The following PDK1 variants were observed in gnomAD, a reference collection of about 807,000 sequenced individuals.
PDK1 encodes pyruvate dehydrogenase kinase 1, also known as [Pyruvate dehydrogenase (acetyl-transferring)] kinase isozyme 1, mitochondrial.
A neutral mutation model predicts 54.2 loss-of-function variants in PDK1; 39 were observed. The ratio of observed to expected loss-of-function variants is 0.72; its 90% CI spans 0.56 to 0.94. The LOEUF is 0.94. Ranked by LOEUF, PDK1 falls within the 40% of genes least tolerant of loss-of-function variation. The pLI, the probability that PDK1 is intolerant of heterozygous loss-of-function variation, is 0.00. For synonymous variants in PDK1, 221 were observed against 207.1 expected, an observed-to-expected ratio of 1.07 and a Z score of -0.58; for missense variants, 552 against 566.0, an observed-to-expected ratio of 0.98 and a Z score of 0.25.
chr2:172,629,857 T>C, the PDK1 span, among the ~76,000 whole-genome samples: 1 of 152,142 alleles, frequency 6.6e-6, no homozygotes, highest in Non-Finnish European at 1.5e-5. Flanking sequence ...ACCTGCATGC[T>C]CCCCGTCCTG....
At chr2:172,626,602 T>G in the PDK1 span, among the ~76,000 whole-genome samples, 778 of 152,264 alleles carry the variant, frequency 5.1e-3, 10 homozygotes, top group African/African-American at 0.018. Flanking sequence ...CAGACCAGCC[T>G]GGACAACATG....
Position 172,601,859 on chromosome 2 carries a change from C to T in PDK1, c.*5890C>T, listed in dbSNP as rs1417051103. The T allele has an allele frequency of 6.6e-6, 1 of 151,914 alleles. No individual in the cohort carries two copies. Among genetic ancestry groups the T allele is most frequent in the Admixed American group, 6.6e-5 (1 of 15,252 alleles). The allele number at this position is 151,914 out of a possible 1,614,324, so 9.4% of individuals were successfully genotyped here. ...AGTATTTAGATTTTTTTTTAAAGGA[C>T]ATAACTACCAATAGAGATTTAAAAT... On this transcript the variant is annotated 3_prime_UTR_variant, in exon 11 of 11. Coordinates refer to ENST00000282077, the MANE Select transcript of PDK1 (RefSeq NM_002610.5).
chr2:172,632,574 C>T, the PDK1 span, among the ~76,000 whole-genome samples: 6 of 152,180 alleles, frequency 3.9e-5, no homozygotes, highest in African/African-American at 1.4e-4. Context: ...TTGAACATGT[C>T]TGCAATGTGG....
chr2:172,600,950 C>T lies in PDK1; in HGVS notation c.*4981C>T, dbSNP rs780174822. ...CTTTTAGCTTCCTTATCTTAGTGCCCCTAAAGGGAAAGGAATGTGCTTATT... is the reference window on the plus strand; with the variant it reads ...CTTTTAGCTTCCTTATCTTAGTGCCTCTAAAGGGAAAGGAATGTGCTTATT... On this transcript the variant is annotated 3_prime_UTR_variant, in exon 11 of 11. Coordinates refer to ENST00000282077, the MANE Select transcript of PDK1 (RefSeq NM_002610.5). The T allele has an allele frequency of 1.3e-5, 2 of 152,068 alleles. No homozygotes were observed. Among genetic ancestry groups the T allele is most frequent in the Non-Finnish European group, 2.9e-5 (2 of 68,022 alleles). The allele number at this position is 152,068 out of a possible 1,614,324, so 9.4% of individuals were successfully genotyped here. A position where few individuals can be genotyped will look rare whatever the true frequency, so the allele number is the denominator to read the frequency against.
At chr2:172,643,492 C>T in the PDK1 span, among the ~76,000 whole-genome samples, 1 of 152,310 alleles carries the variant, frequency 6.6e-6, no homozygotes, top group South Asian at 2.1e-4. Flanking sequence ...TCTCTTCTAG[C>T]CCCTGGGCCC....
chr2:172,570,683 T>A, intron 7 of PDK1, 43 bp from the exon 8 acceptor site: 1 of 1,177,906 alleles, frequency 8.5e-7, no homozygotes, highest in Non-Finnish European at 1.3e-6. Flanking sequence ...ACTTTCTCTT[T>A]TCTAAAAAGC....
the PDK1 span, among the ~76,000 whole-genome samples, chr2:172,616,509 T>C: frequency 6.6e-6 from 1 of 152,170 alleles, no homozygotes; most frequent in African/African-American, 2.4e-5. Flanking sequence ...CTCAGGCATA[T>C]GAAAACCTAC....
At chr2:172,690,612 C>T in the PDK1 span, among the ~76,000 whole-genome samples, 1 of 150,050 alleles carries the variant, frequency 6.7e-6, no homozygotes, top group Non-Finnish European at 1.5e-5. Context: ...AAATGTCCAT[C>T]AATGATAGAC....
At chr2:172,638,892 A>G in the PDK1 span, among the ~76,000 whole-genome samples, 4 of 152,260 alleles carry the variant, frequency 2.6e-5, no homozygotes, top group Admixed American at 2.0e-4. Context: ...GCATCACACC[A>G]TATCAAGATG....
the PDK1 span, among the ~76,000 whole-genome samples, chr2:172,631,708 A>G: frequency 2.0e-5 from 3 of 152,152 alleles, no homozygotes; most frequent in Non-Finnish European, 4.4e-5. Context: ...GGACAAAGGT[A>G]TATATCCTAA....
the PDK1 span, among the ~76,000 whole-genome samples, chr2:172,709,617 ACC>A: frequency 6.6e-6 from 1 of 152,194 alleles, no homozygotes; most frequent in African/African-American, 2.4e-5. Flanking sequence ...TTCAGTTACC[ACC>A]ATTCAGTTAA....
At chr2:172,574,255 A>G (rs961241712) in intron 8 of PDK1, among the ~76,000 whole-genome samples, 2 of 152,206 alleles carry the variant, frequency 1.3e-5, no homozygotes, top group Non-Finnish European at 2.9e-5. Flanking sequence ...TATGGGATTT[A>G]TTTCTGGATT....
At chr2:172,679,383 G>A in the PDK1 span, among the ~76,000 whole-genome samples, 5 of 152,034 alleles carry the variant, frequency 3.3e-5, no homozygotes, top group African/African-American at 1.2e-4. Context: ...GGAGTTTGAG[G>A]CTGCAGTGAG....
rs371020181 is a variant in PDK1, at chr2:172,559,009, C to T, written c.338+160C>T. On this transcript the variant is annotated intron_variant, in intron 2 of 10. Transcript: ENST00000282077. ...TGTCGCCCAGGCTGGAGTGCAGTGG[C>T]GCGATCTTGCCTCACTGCAAGCTCC... Among the ~76,000 whole-genome samples, 12 of 152,260 alleles carry T rather than the reference C, an allele frequency of 7.9e-5. No homozygotes were observed. In the East Asian group the frequency reaches 1.9e-3, roughly 25 times the overall value.
At chr2:172,578,145 A>T (rs1358619442) in intron 8 of PDK1, among the ~76,000 whole-genome samples, 1 of 152,190 alleles carries the variant, frequency 6.6e-6, no homozygotes, top group Non-Finnish European at 1.5e-5. Context: ...GGAATATGTT[A>T]TCTCACTGCC....
the PDK1 span, among the ~76,000 whole-genome samples, chr2:172,645,038 T>C: frequency 6.6e-6 from 1 of 152,092 alleles, no homozygotes; most frequent in Non-Finnish European, 1.5e-5. Flanking sequence ...TGGAACTAGC[T>C]CATACCATGG....
At chr2:172,625,044 G>A in the PDK1 span, among the ~76,000 whole-genome samples, 51 of 151,748 alleles carry the variant, frequency 3.4e-4, no homozygotes, top group African/African-American at 1.2e-3. Context: ...AATGTCTTTT[G>A]AATGCTTGAA....
chr2:172,668,402 TGTGAACCATAAATC>T, the PDK1 span, among the ~76,000 whole-genome samples: 1 of 152,128 alleles, frequency 6.6e-6, no homozygotes, highest in African/African-American at 2.4e-5. Flanking sequence ...AGTAATGATC[TGTGAACCATAAATC>T]TTGTGATTCA....
intron 8 of PDK1, among the ~76,000 whole-genome samples, chr2:172,577,552 G>A (rs937876741): frequency 6.6e-6 from 1 of 151,646 alleles, no homozygotes; most frequent in Non-Finnish European, 1.5e-5. Flanking sequence ...AAAATATTTT[G>A]TATTATATCA....
Sources: allele counts gnomAD v4.1 joint callset (sites outside exome capture counted in the v4.1 genomes callset), GRCh38; gene constraint gnomAD v4.1.1; transcripts MANE v1.5; gene names NCBI Gene and HGNC (gene_info 2026-07-23, HGNC 2026-07-21).